SSH2: variants seen among roughly 807,000 people sequenced by gnomAD.
SSH2 encodes the protein protein phosphatase Slingshot homolog 2.
A neutral mutation model predicts 135.2 loss-of-function variants in SSH2; 37 were observed. The ratio of observed to expected loss-of-function variants is 0.27; its 90% CI spans 0.21 to 0.36. The LOEUF (loss-of-function observed/expected upper bound fraction) is 0.36. SSH2 is among the 10% of genes least tolerant of loss of function. SSH2 has a pLI of 1.00. For synonymous variants in SSH2, 628 were observed against 646.2 expected, an observed-to-expected ratio of 0.97 and a Z score of 0.43; for missense variants, 1,408 against 1,765.3, an observed-to-expected ratio of 0.80 and a Z score of 3.63.
chr17:29,908,852 G>GT (rs2066709278), intron 1 of SSH2, among the ~76,000 whole-genome samples: 1 of 151,664 alleles, frequency 6.6e-6, no homozygotes, highest in East Asian at 1.9e-4. Flanking sequence ...GCCAAGGCGG[G>GT]TGGGTCATGA....
At chr17:29,915,265 G>T (rs1360564421) in intron 1 of SSH2, among the ~76,000 whole-genome samples, 5 of 152,112 alleles carry the variant, frequency 3.3e-5, no homozygotes, top group Non-Finnish European at 5.9e-5. Flanking sequence ...TCCTATTGTT[G>T]CTTCAGACAC....
chr17:29,692,965 T>C (rs2038551102), intron 5 of SSH2, among the ~76,000 whole-genome samples: 1 of 152,208 alleles, frequency 6.6e-6, no homozygotes, highest in South Asian at 2.1e-4. Flanking sequence ...CTTCAGATGA[T>C]GATGATGATT....
At chr17:29,661,112 C>G (rs1245590226) in intron 11 of SSH2, among the ~76,000 whole-genome samples, 4 of 151,642 alleles carry the variant, frequency 2.6e-5, no homozygotes, top group Middle Eastern at 3.4e-3. Context: ...TCTCTATTTC[C>G]TCATTTCCCA....
intron 3 of SSH2, among the ~76,000 whole-genome samples, chr17:29,783,357 G>C (rs1294364128): frequency 6.8e-6 from 1 of 146,094 alleles, no homozygotes; most frequent in East Asian, 2.0e-4. Flanking sequence ...AATTTTTTAA[G>C]TATTAACTTA....
chr17:29,728,261 C>T (rs899265730), intron 3 of SSH2, among the ~76,000 whole-genome samples: 5 of 152,112 alleles, frequency 3.3e-5, no homozygotes, highest in African/African-American at 1.2e-4. Flanking sequence ...TATATGCCAA[C>T]AGCAAACAAT....
chr17:29,691,656 A>G (rs1454396569), intron 5 of SSH2, among the ~76,000 whole-genome samples: 1 of 151,576 alleles, frequency 6.6e-6, no homozygotes, highest in Admixed American at 6.6e-5. Flanking sequence ...ACGCCCGGCT[A>G]ATTTTTTGTA....
intron 2 of SSH2, among the ~76,000 whole-genome samples, chr17:29,820,134 G>A (rs931200281): frequency 1.3e-5 from 2 of 152,100 alleles, no homozygotes; most frequent in East Asian, 3.9e-4. Flanking sequence ...CAGGGAGGAT[G>A]GGCAAATAAT....
intron 1 of SSH2, among the ~76,000 whole-genome samples, chr17:29,896,819 T>A (rs2066454106): frequency 6.6e-6 from 1 of 151,860 alleles, no homozygotes; most frequent in African/African-American, 2.4e-5. Flanking sequence ...ACTCCAGAAC[T>A]GTCTTATTTT....
chr17:29,717,588 G>C (rs2039669302), intron 3 of SSH2, among the ~76,000 whole-genome samples: 1 of 152,214 alleles, frequency 6.6e-6, no homozygotes, highest in African/African-American at 2.4e-5. Flanking sequence ...GAAAAATGAA[G>C]CAGAGAAAGA....
intron 3 of SSH2, among the ~76,000 whole-genome samples, chr17:29,753,544 C>T (rs112273358): frequency 6.6e-6 from 1 of 151,744 alleles, no homozygotes; most frequent in East Asian, 1.9e-4. Context: ...CGTCTGTACT[C>T]CCAGCACTTT....
At chr17:29,816,701 A>G (rs1295495417) in intron 2 of SSH2, among the ~76,000 whole-genome samples, 1 of 151,468 alleles carries the variant, frequency 6.6e-6, no homozygotes, top group African/African-American at 2.4e-5. Context: ...CTGCACTTAA[A>G]AAAAAAAAAA....
chr17:29,768,939 G>A (rs1039568657), intron 3 of SSH2, among the ~76,000 whole-genome samples: 6 of 152,114 alleles, frequency 3.9e-5, no homozygotes, highest in Admixed American at 1.3e-4. Flanking sequence ...ACATGGCCAG[G>A]TGTGGTGGCT....
intron 3 of SSH2, among the ~76,000 whole-genome samples, chr17:29,782,443 T>C (rs1181807492): frequency 6.6e-6 from 1 of 152,212 alleles, no homozygotes; most frequent in Non-Finnish European, 1.5e-5. Flanking sequence ...TTGATAGTTT[T>C]CTTGCCTCCC....
intron 2 of SSH2, among the ~76,000 whole-genome samples, chr17:29,800,617 AAATTAAAT>A (rs558710544): frequency 2.1e-4 from 32 of 152,122 alleles, no homozygotes; most frequent in South Asian, 6.2e-4. Flanking sequence ...GAGAATATCT[AAATTAAAT>A]AATTAAATAA....
chr17:29,710,084 G>C (rs976750527), intron 3 of SSH2, among the ~76,000 whole-genome samples: 20 of 152,198 alleles, frequency 1.3e-4, no homozygotes, highest in Non-Finnish European at 1.5e-5. Context: ...TAATCTTTGA[G>C]GAATGTGGCC....
intron 2 of SSH2, among the ~76,000 whole-genome samples, chr17:29,836,699 T>C (rs1028982041): frequency 2.6e-5 from 4 of 152,212 alleles, no homozygotes; most frequent in African/African-American, 9.6e-5. Context: ...GTAACTCTAC[T>C]TTTCTAATTA....
At chr17:29,665,053 C>T (rs1377718416) in intron 11 of SSH2, among the ~76,000 whole-genome samples, 1 of 152,142 alleles carries the variant, frequency 6.6e-6, no homozygotes, top group Non-Finnish European at 1.5e-5. Context: ...CTTTTGACTA[C>T]AGATATTTGT....
intron 3 of SSH2, chr17:29,761,441 T>TAGAGTCCGGACTGACGGGCGC (rs1567956891): frequency 1.0e-6 from 1 of 995,426 alleles, no homozygotes; most frequent in Non-Finnish European, 1.2e-6. Context: ...CTGACGGGCG[T>TAGAGTCCGGACTGACGGGCGC]CGCCAGCAGT....
intron 1 of SSH2, among the ~76,000 whole-genome samples, chr17:29,851,603 T>A (rs932044359): frequency 6.6e-6 from 1 of 150,910 alleles, no homozygotes; most frequent in African/African-American, 2.4e-5. Context: ...CAAAAAAAAT[T>A]AATAATAATA....
Sources: gnomAD v4.1 joint callset for allele counts (sites outside exome capture counted in the v4.1 genomes callset) on GRCh38, gnomAD v4.1.1 for gene constraint, MANE v1.5 for transcripts, NCBI Gene and HGNC (gene_info 2026-07-23, HGNC 2026-07-21) for gene names.